SMOX: variants seen among roughly 807,000 people sequenced by gnomAD.
The protein encoded by SMOX is spermine oxidase, also known as flavin containing amine oxidase.
Under a neutral mutation model 51.0 loss-of-function variants are expected in SMOX, and 22 were observed. The ratio of observed to expected loss-of-function variants is 0.43; its 90% CI spans 0.31 to 0.62. The LOEUF (loss-of-function observed/expected upper bound fraction) is 0.62. Ranked by LOEUF, SMOX falls within the 20% of genes least tolerant of loss-of-function variation. SMOX has a pLI of 0.10. For synonymous variants in SMOX, 282 were observed against 307.8 expected (o/e 0.92, Z 0.88); for missense variants, 566 against 777.7 (o/e 0.73, Z 3.24).
At chr20:4,173,808 A>G (rs929046625) in intron 1 of SMOX, among the ~76,000 whole-genome samples, 4 of 152,268 alleles carry the variant, frequency 2.6e-5, no homozygotes, top group African/African-American at 9.6e-5. Flanking sequence ...CAGGGACAGC[A>G]TCTGAGCTGA....
At position 4,177,564 on chromosome 20, in the gene SMOX, AT is replaced by A; in HGVS notation, c.425del (p.Leu142TyrfsTer8). The A allele has an allele frequency of 6.3e-7, 1 of 1,589,116 alleles. No homozygotes were observed. Among genetic ancestry groups the A allele is most frequent in the Non-Finnish European group, 8.6e-7 (1 of 1,166,558 alleles). ...AAGGACGTGGTTGAGGAATTCAGCG[AT>A]TTATACAACGAGGTAAGGTGTGAGC... is the stretch of plus-strand genomic sequence containing the variant. Reference protein sequence around the residue: ...IPKDVVEEFSDLYNEVYNLTQ... With the variant: ...IPKDVVEEFSXLYNEVYNLTQ... On this transcript the variant is annotated frameshift_variant, in exon 3 of 7. Coordinates refer to ENST00000305958, the MANE Select transcript of SMOX (RefSeq NM_175839.3). LOFTEE classifies it high-confidence loss of function. This position sits in a 1 kb window ranked among gnomAD's most constrained non-coding sequence, Gnocchi z 4.3.
rs539896009 is a variant in SMOX, at chr20:4,166,011, G to T, written c.-26-9019G>T. 3.3e-5 allele frequency among the ~76,000 whole-genome samples: 5 copies of T among 152,298 alleles called. No individual in the cohort carries two copies. In the South Asian group the frequency reaches 6.2e-4, roughly 19 times the overall value. On this transcript the variant is annotated intron_variant, in intron 1 of 6. Transcript: ENST00000305958. This position sits in a 1 kb window ranked among gnomAD's most constrained non-coding sequence, Gnocchi z 4.2. ...AAAGATGGGAAGCAAGGCATGGGGT[G>T]TGAGAAACCTGGAGGTGGAAACTTA...
chr20:4,173,673 G>A (rs1032834716), intron 1 of SMOX, among the ~76,000 whole-genome samples: 7 of 152,152 alleles, frequency 4.6e-5, no homozygotes, highest in African/African-American at 9.7e-5. Context: ...TTTGCTGTCC[G>A]GCAGCCACCT....
rs77060426 is a variant in SMOX, at chr20:4,149,860, C to T, written c.-27+883C>T. On this transcript the variant is annotated intron_variant, in intron 1 of 6. Coordinates refer to ENST00000305958, the MANE Select transcript of SMOX (RefSeq NM_175839.3). This position sits in a 1 kb window ranked among gnomAD's most constrained non-coding sequence, Gnocchi z 6.0. ...GGGGCAACTTGGCCGTGATTGGAGC[C>T]AGCAGTAGGTGCCCTGGGGTTACCG... is the stretch of plus-strand genomic sequence containing the variant. Among the ~76,000 whole-genome samples the T allele has an allele frequency of 0.042, 6,400 of 152,246 alleles. 214 individuals are homozygous for T. The highest frequency in any genetic ancestry group is 0.094 in the South Asian group (453 of 4,816).
chr20:4,161,013 C>A (rs1038201040), intron 1 of SMOX, among the ~76,000 whole-genome samples: 1 of 152,210 alleles, frequency 6.6e-6, no homozygotes, highest in Admixed American at 6.5e-5. Flanking sequence ...GGAACTGCGC[C>A]CGGCTGAGCT....
chr20:4,177,244 C>A lies in SMOX; in HGVS notation c.209-107C>A. On this transcript the variant is annotated intron_variant, in intron 2 of 6. Transcript: ENST00000305958. This position sits in a 1 kb window ranked among gnomAD's most constrained non-coding sequence, Gnocchi z 4.3. The stretch of plus-strand genomic sequence containing the variant: ...AGTGGAAGTTCAAGCTCTTTCCTGC[C>A]CTGTTGTAGGGTGGAAAGACCCTCT... 1.0e-6 allele frequency: 1 copy of A among 972,692 alleles called. No homozygotes were observed. The highest frequency in any genetic ancestry group is 1.5e-6 in the Non-Finnish European group (1 of 657,686). The allele number at this position is 972,692 out of a possible 1,614,324, so 60.3% of individuals were successfully genotyped here.
At chr20:4,161,271 C>T (rs1986302086) in intron 1 of SMOX, among the ~76,000 whole-genome samples, 1 of 152,170 alleles carries the variant, frequency 6.6e-6, no homozygotes, top group African/African-American at 2.4e-5. Context: ...GCCGTGCCTG[C>T]AGGTGATGCC....
At chr20:4,178,885 G>T (rs781703466) in intron 3 of SMOX, among the ~76,000 whole-genome samples, 1 of 152,190 alleles carries the variant, frequency 6.6e-6, no homozygotes, top group Middle Eastern at 3.4e-3. Flanking sequence ...GTTTTACCAC[G>T]TTGGTCAGGC....
chr20:4,181,381 C>T lies in SMOX; in HGVS notation c.436-422C>T, dbSNP rs1979306254. Reference sequence around the variant, plus strand: ...CTTGGGAGCGGGCAAAGCAGACACACTTGGGCAGGGGTGGCAGGGAAAGTG... The same window carrying T: ...CTTGGGAGCGGGCAAAGCAGACACATTTGGGCAGGGGTGGCAGGGAAAGTG... On this transcript the variant is annotated intron_variant, in intron 3 of 6. Transcript: ENST00000305958. The surrounding 1 kb of genome is among the most constrained non-coding windows in gnomAD (Gnocchi z 5.6). Among the ~76,000 whole-genome samples, 1 of 152,190 alleles carries T rather than the reference C, an allele frequency of 6.6e-6. No individual in the cohort carries two copies. The highest frequency in any genetic ancestry group is 2.4e-5 in the African/African-American group (1 of 41,444).
Position 4,187,381 on chromosome 20 carries a change from C to T in SMOX, c.1642C>T (p.Arg548Ter). The T allele has an allele frequency of 1.2e-5, 20 of 1,614,138 alleles. No individual in the cohort carries two copies. The highest frequency in any genetic ancestry group is 1.7e-5 in the Non-Finnish European group (20 of 1,180,016). ...GGCTGCCCGCCTCATTGAGATGTAC[C>T]GAGACCTCTTCCAGCAGGGGACCTG... Reference protein sequence around the residue: ...REAARLIEMYRDLFQQGT With the variant: ...REAARLIEMY Residue 548 changes from arginine (R) to a stop codon, truncating the protein, a stop_gained, in exon 7 of 7, where the codon CGA (arginine) becomes TGA (stop). Coordinates refer to ENST00000305958, the MANE Select transcript of SMOX (RefSeq NM_175839.3). LOFTEE classifies it high-confidence loss of function. This position sits in a 1 kb window ranked among gnomAD's most constrained non-coding sequence, Gnocchi z 4.8.
intron 1 of SMOX, among the ~76,000 whole-genome samples, chr20:4,169,704 G>A (rs6133093): frequency 0.029 from 4,431 of 152,216 alleles, 245 homozygotes; most frequent in East Asian, 0.22. Flanking sequence ...ACCAGTACGA[G>A]GGACTCACAT....
chr20:4,149,618 G>T lies in SMOX; in HGVS notation c.-27+641G>T, dbSNP rs1985629344. Among the ~76,000 whole-genome samples the T allele has an allele frequency of 6.6e-6, 1 of 152,192 alleles. No homozygotes were observed. Among genetic ancestry groups the T allele is most frequent in the African/African-American group, 2.4e-5 (1 of 41,466 alleles). On this transcript the variant is annotated intron_variant, in intron 1 of 6. Transcript: ENST00000305958. This position sits in a 1 kb window ranked among gnomAD's most constrained non-coding sequence, Gnocchi z 6.0. ...GGAGCCGGGCTCGCAAAGGGTTCGGGTGTGTTGGAGGGCTCACTTTGTGGG... is the reference window on the plus strand; with the variant it reads ...GGAGCCGGGCTCGCAAAGGGTTCGGTTGTGTTGGAGGGCTCACTTTGTGGG...
chr20:4,180,642 C>T (rs544695773), intron 3 of SMOX, among the ~76,000 whole-genome samples: 3 of 152,324 alleles, frequency 2.0e-5, no homozygotes, highest in Non-Finnish European at 4.4e-5. Context: ...CCTGCCTGCC[C>T]TTCCAAAGTC....
At chr20:4,162,040 C>T (rs1986353182) in intron 1 of SMOX, among the ~76,000 whole-genome samples, 1 of 152,204 alleles carries the variant, frequency 6.6e-6, no homozygotes, top group East Asian at 1.9e-4. Flanking sequence ...GCCTGCCCCG[C>T]CCCCTTCCTG....
chr20:4,152,154 T>C (rs994247088), intron 1 of SMOX, among the ~76,000 whole-genome samples: 2 of 152,156 alleles, frequency 1.3e-5, no homozygotes, highest in African/African-American at 4.8e-5. Flanking sequence ...TGAGTCTGTG[T>C]GTGTGTCACT....
intron 1 of SMOX, among the ~76,000 whole-genome samples, chr20:4,152,807 C>A (rs947604871): frequency 1.3e-5 from 2 of 152,236 alleles, no homozygotes; most frequent in African/African-American, 2.4e-5. Flanking sequence ...GCTGGGAAGA[C>A]TGAGGCACAG....
At position 4,177,566 on chromosome 20, in the gene SMOX, T is replaced by G; in HGVS notation, c.424T>G (p.Leu142Val). 1.9e-6 allele frequency: 3 copies of G among 1,587,902 alleles called. No homozygotes were observed. Among genetic ancestry groups the G allele is most frequent in the Non-Finnish European group, 2.6e-6 (3 of 1,165,888 alleles). Reference protein sequence around the residue: ...PKDVVEEFSDLYNEVYNLTQE... With the variant: ...PKDVVEEFSDVYNEVYNLTQE... Reference sequence around the variant, plus strand: ...GGACGTGGTTGAGGAATTCAGCGATTTATACAACGAGGTAAGGTGTGAGCA... The same window carrying G: ...GGACGTGGTTGAGGAATTCAGCGATGTATACAACGAGGTAAGGTGTGAGCA... The change falls in exon 3 of 7, where the codon TTA (leucine) becomes GTA (valine). Residue 142 changes from leucine to valine, a missense_variant. Physicochemically the swap from Leu to Val is conservative, Grantham distance 32 (BLOSUM62 1). Coordinates refer to ENST00000305958, the MANE Select transcript of SMOX (RefSeq NM_175839.3). The surrounding 1 kb of genome is among the most constrained non-coding windows in gnomAD (Gnocchi z 4.3).
chr20:4,161,014 C>T (rs898960078), intron 1 of SMOX, among the ~76,000 whole-genome samples: 6 of 152,204 alleles, frequency 3.9e-5, no homozygotes, highest in Admixed American at 2.0e-4. Context: ...GAACTGCGCC[C>T]GGCTGAGCTC....
chr20:4,161,379 C>G (rs897623307), intron 1 of SMOX, among the ~76,000 whole-genome samples: 2 of 152,180 alleles, frequency 1.3e-5, no homozygotes, highest in Admixed American at 6.5e-5. Flanking sequence ...GAGGAGAGAA[C>G]TGGGCTTAAT....
Sources: allele counts gnomAD v4.1 joint callset (sites outside exome capture counted in the v4.1 genomes callset), GRCh38; gene constraint gnomAD v4.1.1; non-coding constraint Gnocchi (gnomAD v3.1); transcripts MANE v1.5; gene names NCBI Gene and HGNC (gene_info 2026-07-23, HGNC 2026-07-21).